Variants in ATL1 observed in about 807,000 individuals in gnomAD.
ATL1 encodes the protein atlastin-1.
A neutral mutation model predicts 75.5 loss-of-function variants in ATL1; 31 were observed. The observed-to-expected ratio is 0.41, with a 90% confidence interval of 0.31 to 0.55. ATL1 has a LOEUF of 0.55. Ranked by LOEUF, ATL1 falls within the 20% of genes least tolerant of loss-of-function variation. ATL1 has a pLI of 0.27. For missense variants in ATL1, 405 were observed against 662.6 expected (o/e 0.61, Z 4.27); for synonymous variants, 226 against 233.3 (o/e 0.97, Z 0.28).
chr14:50,573,332 T>C lies in ATL1; in HGVS notation c.34+13033T>C, dbSNP rs542562690. 4.6e-5 allele frequency among the ~76,000 whole-genome samples: 7 copies of C among 152,344 alleles called. 1 individual carries two copies. The East Asian group carries it at 1.3e-3, about 29-fold the overall frequency. The stretch of plus-strand genomic sequence containing the variant: ...TGTATCGCACCACTTTCTATGGTAA[T>C]GGAAATGTTTTGTGTCTGCACTGTC... On this transcript the variant is annotated intron_variant, in intron 1 of 13. Coordinates refer to ENST00000358385, the MANE Select transcript of ATL1 (RefSeq NM_015915.5).
chr14:50,615,438 T>C (rs551639560), intron 8 of ATL1, among the ~76,000 whole-genome samples: 7 of 152,330 alleles, frequency 4.6e-5, no homozygotes, highest in African/African-American at 1.7e-4. Context: ...ACTGGCAGAT[T>C]TGAAAAGCAA....
rs191092572 is a variant in ATL1 at position 50,537,394 on chromosome 14, G to A, written c.-140+4027G>A. ...TTTTCTGCAGGGGTAGTGCCCTCACGGAGAACCTCTGCTAGGGTGGTGCGA... is the reference window on the plus strand; with the variant it reads ...TTTTCTGCAGGGGTAGTGCCCTCACAGAGAACCTCTGCTAGGGTGGTGCGA... On this transcript the variant is annotated intron_variant, in intron 1 of 13. Transcript: ENST00000441560. Among the ~76,000 whole-genome samples, 15 of 152,300 alleles carry A rather than the reference G, an allele frequency of 9.8e-5. No individual in the cohort carries two copies. In the East Asian group the frequency reaches 2.3e-3, roughly 24 times the overall value.
intron 6 of ATL1, among the ~76,000 whole-genome samples, chr14:50,602,584 T>C (rs1352274416): frequency 2.0e-5 from 3 of 152,114 alleles, no homozygotes; most frequent in African/African-American, 7.2e-5. Flanking sequence ...CAGTGGCATT[T>C]CGACATGGTG....
chr14:50,544,988 C>T (rs2038612787), intron 1 of ATL1, among the ~76,000 whole-genome samples: 1 of 151,338 alleles, frequency 6.6e-6, no homozygotes, highest in African/African-American at 2.4e-5. Flanking sequence ...GTAACAGGTC[C>T]CTCACCAGAT....
At chr14:50,631,638 G>T (rs957326923) in intron 13 of ATL1, among the ~76,000 whole-genome samples, 2 of 152,034 alleles carry the variant, frequency 1.3e-5, no homozygotes, top group Admixed American at 6.6e-5. Context: ...TTTTAAATGA[G>T]GAAAGCTTGC....
intron 1 of ATL1, among the ~76,000 whole-genome samples, chr14:50,534,107 T>C (rs1404980973): frequency 6.6e-6 from 1 of 152,260 alleles, no homozygotes; most frequent in Non-Finnish European, 1.5e-5. Flanking sequence ...TTGTTTACTG[T>C]CATAGATTCA....
At chr14:50,631,436 A>C (rs545508828) in intron 13 of ATL1, among the ~76,000 whole-genome samples, 1 of 152,306 alleles carries the variant, frequency 6.6e-6, no homozygotes, top group Admixed American at 6.5e-5. Context: ...CTCCAGAACT[A>C]AATCAGACAA....
chr14:50,614,614 A>G, intron 8 of ATL1, 103 bp downstream of exon 8: 1 of 1,281,942 alleles, frequency 7.8e-7, no homozygotes, highest in Non-Finnish European at 1.1e-6. Flanking sequence ...ATCCACTGAT[A>G]GGAGGCTGAT....
intron 1 of ATL1, among the ~76,000 whole-genome samples, chr14:50,587,252 T>A (rs1341420216): frequency 1.3e-4 from 20 of 152,232 alleles, no homozygotes; most frequent in Admixed American, 1.3e-3. Flanking sequence ...TCTTTCTGAC[T>A]CAGCAGACAG....
chr14:50,564,550 G>A (rs1360043161), intron 1 of ATL1, among the ~76,000 whole-genome samples: 1 of 147,196 alleles, frequency 6.8e-6, no homozygotes, highest in Non-Finnish European at 1.5e-5. Context: ...TCGGGAGGCT[G>A]AGGCAGGAGA....
intron 1 of ATL1, among the ~76,000 whole-genome samples, chr14:50,561,368 C>T (rs554599128): frequency 4.0e-4 from 61 of 152,332 alleles, no homozygotes; most frequent in Middle Eastern, 3.4e-3. Flanking sequence ...TCTCAGGCTA[C>T]TGTGGCTTGG....
intron 1 of ATL1, among the ~76,000 whole-genome samples, chr14:50,539,621 T>C (rs1168338945): frequency 2.0e-5 from 3 of 152,218 alleles, no homozygotes; most frequent in African/African-American, 7.2e-5. Flanking sequence ...TTTGAGCAGA[T>C]ATGAATGAGG....
chr14:50,619,999 C>T (rs186223119), intron 8 of ATL1, among the ~76,000 whole-genome samples: 79 of 152,306 alleles, frequency 5.2e-4, no homozygotes, highest in African/African-American at 1.7e-3. Flanking sequence ...GTGGCTCATG[C>T]CTGTAATCCC....
intron 8 of ATL1, among the ~76,000 whole-genome samples, chr14:50,616,524 A>G (rs1219251816): frequency 6.6e-6 from 1 of 151,374 alleles, no homozygotes; most frequent in African/African-American, 2.4e-5. Context: ...TGGGGGTTTC[A>G]CTATGCTGCC....
At chr14:50,632,107 G>A (rs2039587354) in intron 13 of ATL1, 122 bp from the exon 14 acceptor site, 3 of 597,478 alleles carry the variant, frequency 5.0e-6, no homozygotes, top group Non-Finnish European at 8.8e-6. Context: ...TTTATATATC[G>A]ATTAAAAAAG....
At chr14:50,544,936 CAAAAAAAAAAAAA>C (rs35420627) in intron 1 of ATL1, among the ~76,000 whole-genome samples, 2 of 58,476 alleles carry the variant, frequency 3.4e-5, no homozygotes, top group Non-Finnish European at 6.4e-5. Flanking sequence ...GACCCACTCT[CAAAAAAAAAAAAA>C]AAAAAAAAAA....
intron 8 of ATL1, 135 bp from the exon 9 acceptor site, chr14:50,620,464 G>T: frequency 1.1e-6 from 1 of 923,912 alleles, no homozygotes; most frequent in Non-Finnish European, 1.6e-6. Flanking sequence ...TTCAGGAGTC[G>T]CTTAAATGAT....
intron 1 of ATL1, among the ~76,000 whole-genome samples, chr14:50,582,008 C>T (rs1196566478): frequency 1.3e-5 from 2 of 152,018 alleles, no homozygotes; most frequent in East Asian, 1.9e-4. Context: ...TGGCCAGTCG[C>T]GGTGGCTCAT....
intron 1 of ATL1, among the ~76,000 whole-genome samples, chr14:50,541,595 G>C (rs1201792389): frequency 6.6e-6 from 1 of 152,136 alleles, no homozygotes; most frequent in Non-Finnish European, 1.5e-5. Context: ...TACAGAGAAG[G>C]CTATGATGCA....
Sources: allele counts gnomAD v4.1 joint callset (sites outside exome capture counted in the v4.1 genomes callset), GRCh38; gene constraint gnomAD v4.1.1; transcripts MANE v1.5; gene names NCBI Gene and HGNC (gene_info 2026-07-23, HGNC 2026-07-21).